Variants in QTMAN observed in about 807,000 individuals in gnomAD.
QTMAN encodes tRNA-queuosine alpha-mannosyltransferase.
the QTMAN span, among the ~76,000 whole-genome samples, chr2:144,248,234 GC>G: frequency 1.3e-5 from 2 of 152,150 alleles, no homozygotes; most frequent in Admixed American, 6.5e-5. Flanking sequence ...TTTAAATGAT[GC>G]TGTAGAAAAA....
chr2:144,097,399 A>G, the QTMAN span, among the ~76,000 whole-genome samples: 1 of 152,152 alleles, frequency 6.6e-6, no homozygotes, highest in African/African-American at 2.4e-5. Flanking sequence ...TGACAGGTTC[A>G]GCTACTGCAG....
At chr2:143,982,405 T>C in the QTMAN span, among the ~76,000 whole-genome samples, 1 of 151,742 alleles carries the variant, frequency 6.6e-6, no homozygotes, top group African/African-American at 2.4e-5. Context: ...TAATTTTTTG[T>C]ATTTTTAGTA....
chr2:144,041,676 T>C, the QTMAN span, among the ~76,000 whole-genome samples: 22 of 152,312 alleles, frequency 1.4e-4, no homozygotes, highest in South Asian at 3.1e-3. Context: ...ACTCATACTA[T>C]AGTGAAGGCA....
the QTMAN span, among the ~76,000 whole-genome samples, chr2:143,973,634 T>C: frequency 6.6e-6 from 1 of 151,552 alleles, no homozygotes; most frequent in Admixed American, 6.6e-5. Flanking sequence ...ACTAAAAATA[T>C]AAAAATTAGC....
At chr2:144,305,797 C>T in the QTMAN span, among the ~76,000 whole-genome samples, 1 of 152,036 alleles carries the variant, frequency 6.6e-6, no homozygotes, top group Non-Finnish European at 1.5e-5. Flanking sequence ...TTTTTTACCG[C>T]TTATTTTCTT....
chr2:144,257,102 C>A, the QTMAN span, among the ~76,000 whole-genome samples: 223 of 113,016 alleles, frequency 2.0e-3, 1 homozygote, highest in African/African-American at 3.4e-3. Flanking sequence ...AAAAAAAAAA[C>A]CAGAACAAAA....
At chr2:144,140,395 T>C in the QTMAN span, among the ~76,000 whole-genome samples, 2 of 152,118 alleles carry the variant, frequency 1.3e-5, no homozygotes, top group South Asian at 2.1e-4. Flanking sequence ...CTTAGAGATA[T>C]ACATTTTGCC....
the QTMAN span, among the ~76,000 whole-genome samples, chr2:144,164,009 G>A: frequency 2.0e-5 from 3 of 152,074 alleles, no homozygotes; most frequent in South Asian, 4.1e-4. Flanking sequence ...CTGCACCTCC[G>A]CCTCCTGAGT....
chr2:144,010,537 G>T, the QTMAN span, among the ~76,000 whole-genome samples: 1 of 152,084 alleles, frequency 6.6e-6, no homozygotes, highest in Non-Finnish European at 1.5e-5. Flanking sequence ...AGATGAGCAA[G>T]AGCTGATTTG....
At chr2:144,321,129 T>C in the QTMAN span, among the ~76,000 whole-genome samples, 1 of 152,310 alleles carries the variant, frequency 6.6e-6, no homozygotes, top group South Asian at 2.1e-4. Flanking sequence ...ATCCAGAATA[T>C]CCGTTTTTTC....
chr2:144,101,100 C>A, the QTMAN span, among the ~76,000 whole-genome samples: 4 of 151,986 alleles, frequency 2.6e-5, no homozygotes, highest in African/African-American at 9.7e-5. Context: ...GATCTCCTGA[C>A]CTCGTGATCC....
the QTMAN span, among the ~76,000 whole-genome samples, chr2:144,152,446 C>T: frequency 6.6e-6 from 1 of 152,148 alleles, no homozygotes; most frequent in Non-Finnish European, 1.5e-5. Context: ...AGTCTTTTAA[C>T]TCTTGGTATC....
the QTMAN span, among the ~76,000 whole-genome samples, chr2:144,158,937 T>C: frequency 6.6e-6 from 1 of 152,046 alleles, no homozygotes; most frequent in African/African-American, 2.4e-5. Flanking sequence ...AACCATAAAA[T>C]TACATTAATA....
chr2:144,190,961 C>T, the QTMAN span, among the ~76,000 whole-genome samples: 1 of 152,332 alleles, frequency 6.6e-6, no homozygotes, highest in East Asian at 1.9e-4. Flanking sequence ...ACATCAAAAT[C>T]CTTACATTTC....
chr2:143,966,002 T>G, the QTMAN span, among the ~76,000 whole-genome samples: 1 of 152,244 alleles, frequency 6.6e-6, no homozygotes, highest in East Asian at 1.9e-4. Context: ...CTCTATTGCA[T>G]GCCTGAAACT....
the QTMAN span, among the ~76,000 whole-genome samples, chr2:144,250,903 AAGC>A: frequency 2.0e-5 from 3 of 152,192 alleles, no homozygotes; most frequent in Admixed American, 2.0e-4. Context: ...TAGTAAAAAA[AAGC>A]AGCAAGTTCC....
At chr2:143,964,999 A>G in the QTMAN span, among the ~76,000 whole-genome samples, 1 of 152,122 alleles carries the variant, frequency 6.6e-6, no homozygotes, top group Non-Finnish European at 1.5e-5. Context: ...CATTTGTGGG[A>G]AATTATTAAG....
At chr2:144,198,470 A>G in the QTMAN span, among the ~76,000 whole-genome samples, 1 of 152,186 alleles carries the variant, frequency 6.6e-6, no homozygotes, top group African/African-American at 2.4e-5. Flanking sequence ...ACTCGCAGAT[A>G]ATGCAACTAA....
the QTMAN span, among the ~76,000 whole-genome samples, chr2:144,137,888 G>A: frequency 1.3e-4 from 20 of 152,128 alleles, 1 homozygote; most frequent in East Asian, 3.3e-3. Context: ...ATTCAAGGAC[G>A]CTTTTTAGTC....
Sources: gnomAD v4.1 joint callset for allele counts (sites outside exome capture counted in the v4.1 genomes callset) on GRCh38, gnomAD v4.1.1 for gene constraint, MANE v1.5 for transcripts, NCBI Gene and HGNC (gene_info 2026-07-23, HGNC 2026-07-21) for gene names.